The following METTL25 variants were observed in gnomAD, a reference collection of about 807,000 sequenced individuals.
METTL25 encodes methyltransferase like 25, also known as probable methyltransferase-like protein 25.
METTL25 carries 64 observed loss-of-function variants against 71.6 expected under a neutral mutation model. The observed-to-expected ratio is 0.89, with a 90% CI of 0.73 to 1.10. The LOEUF (loss-of-function observed/expected upper bound fraction) is 1.10, where lower values mean the gene tolerates loss of function less well. METTL25 is among the 50% of genes least tolerant of loss of function. The pLI is 0.00. For synonymous variants in METTL25, 287 were observed against 250.3 expected (o/e 1.15, Z -1.38); for missense variants, 807 against 707.0 (o/e 1.14, Z -1.60).
intron 5 of METTL25, among the ~76,000 whole-genome samples, chr12:82,410,520 G>C (rs1592675990): frequency 6.6e-6 from 1 of 152,114 alleles, no homozygotes; most frequent in Admixed American, 6.6e-5. Flanking sequence ...GTTTCCAGCA[G>C]TGTGAGAGAT....
At chr12:82,381,130 T>G (rs570216910) in intron 1 of METTL25, among the ~76,000 whole-genome samples, 1 of 152,368 alleles carries the variant, frequency 6.6e-6, no homozygotes, top group South Asian at 2.1e-4. Context: ...GTAGCTTTAT[T>G]CAAGTTTAGT....
intron 1 of METTL25, among the ~76,000 whole-genome samples, chr12:82,362,733 A>G (rs1270660838): frequency 6.6e-6 from 1 of 152,206 alleles, no homozygotes; most frequent in African/African-American, 2.4e-5. Flanking sequence ...AGAGAAGGTA[A>G]GAAAGGTGAA....
At chr12:82,396,398 A>G (rs994601598) in intron 3 of METTL25, among the ~76,000 whole-genome samples, 2 of 152,010 alleles carry the variant, frequency 1.3e-5, no homozygotes, top group African/African-American at 2.4e-5. Context: ...TCATTGTAAG[A>G]CCTTGAAACG....
At chr12:82,360,614 T>G (rs1881729217) in intron 1 of METTL25, among the ~76,000 whole-genome samples, 2 of 151,986 alleles carry the variant, frequency 1.3e-5, no homozygotes, top group African/African-American at 4.8e-5. Context: ...GCCATGAAGA[T>G]CTCTGGAGGG....
Position 82,398,981 on chromosome 12 carries a change from T to C in METTL25, c.718T>C (p.Leu240=), listed in dbSNP as rs750831293. The C allele has an allele frequency of 6.0e-5, 97 of 1,608,486 alleles. No individual in the cohort carries two copies. Among genetic ancestry groups the C allele is most frequent in the Non-Finnish European group, 7.1e-5 (84 of 1,177,754 alleles). The change falls in exon 4 of 12, where the codon TTA becomes CTA. Residue 240 remains leucine, a synonymous_variant. Coordinates refer to ENST00000248306, the MANE Select transcript of METTL25 (RefSeq NM_032230.3). ...AAGATTAGATGTCAATGGACTAGCA[T>C]TAAAAATGGCAAAAGAAAGGAAAGT... ...QSRLDVNGLA[L]KMAKERKVQN... is the part of the protein sequence containing the mutation.
chr12:82,396,772 C>CT (rs748568229), intron 3 of METTL25, among the ~76,000 whole-genome samples: 1 of 152,070 alleles, frequency 6.6e-6, no homozygotes, highest in Non-Finnish European at 1.5e-5. Flanking sequence ...GATATTTTCT[C>CT]TTTCATTCTC....
intron 5 of METTL25, among the ~76,000 whole-genome samples, chr12:82,422,382 T>C (rs1362660379): frequency 1.3e-5 from 2 of 152,194 alleles, no homozygotes; most frequent in African/African-American, 4.8e-5. Flanking sequence ...AAATTAGGTA[T>C]TGATGGGACG....
intron 6 of METTL25, among the ~76,000 whole-genome samples, chr12:82,433,500 T>C (rs895396453): frequency 2.0e-5 from 3 of 151,672 alleles, no homozygotes; most frequent in Admixed American, 1.3e-4. Context: ...ATTTTTTTTC[T>C]TCAAACCATT....
intron 5 of METTL25, among the ~76,000 whole-genome samples, chr12:82,421,334 TAAAC>T (rs755349726): frequency 7.9e-5 from 12 of 152,210 alleles, no homozygotes; most frequent in Admixed American, 5.2e-4. Flanking sequence ...AGGAGATAAA[TAAAC>T]AGGAATTTCT....
At chr12:82,461,112 C>T (rs1010357358) in intron 9 of METTL25, among the ~76,000 whole-genome samples, 1 of 152,112 alleles carries the variant, frequency 6.6e-6, no homozygotes, top group African/African-American at 2.4e-5. Flanking sequence ...CACTGCACTC[C>T]AGCCTGGGTG....
chr12:82,474,082 G>GTT (rs1892735763), intron 9 of METTL25, among the ~76,000 whole-genome samples: 2 of 152,162 alleles, frequency 1.3e-5, no homozygotes, highest in African/African-American at 4.8e-5. Context: ...CTGGGACAAT[G>GTT]CAGCTGTGAG....
intron 1 of METTL25, among the ~76,000 whole-genome samples, chr12:82,367,603 AT>A (rs938928267): frequency 3.0e-4 from 45 of 152,270 alleles, no homozygotes; most frequent in African/African-American, 1.0e-3. Context: ...TTGCAACAGA[AT>A]TTTTGTAATG....
chr12:82,431,274 G>A (rs984485122), intron 6 of METTL25, among the ~76,000 whole-genome samples: 21 of 151,286 alleles, frequency 1.4e-4, no homozygotes, highest in African/African-American at 4.6e-4. Context: ...ATAGCAGATC[G>A]TTTGGTTTCC....
intron 8 of METTL25, chr12:82,439,838 T>G (rs1198634548): frequency 1.1e-6 from 1 of 952,134 alleles, no homozygotes; most frequent in Non-Finnish European, 1.2e-6. Flanking sequence ...CTACCTGCCT[T>G]CTTTAAAGAC....
chr12:82,402,820 G>A (rs557038841), intron 4 of METTL25, among the ~76,000 whole-genome samples, 163 bp from the exon 5 acceptor site: 2 of 152,234 alleles, frequency 1.3e-5, no homozygotes, highest in South Asian at 2.1e-4. Flanking sequence ...GATCATTTGA[G>A]GCCAGTAATT....
At chr12:82,392,566 T>C (rs750094608) in intron 3 of METTL25, among the ~76,000 whole-genome samples, 7 of 152,078 alleles carry the variant, frequency 4.6e-5, no homozygotes, top group Admixed American at 1.3e-4. Context: ...ATGTTTTCTC[T>C]CAATCTGTGT....
chr12:82,386,045 TAGTG>T (rs370782625), intron 1 of METTL25, among the ~76,000 whole-genome samples: 193 of 152,212 alleles, frequency 1.3e-3, no homozygotes, highest in African/African-American at 4.5e-3. Context: ...TAGTCTAAAT[TAGTG>T]AGTATTTGGA....
chr12:82,455,051 A>G (rs903852416), intron 8 of METTL25, among the ~76,000 whole-genome samples: 3 of 151,680 alleles, frequency 2.0e-5, no homozygotes, highest in Admixed American at 6.6e-5. Context: ...CTTATGTACT[A>G]TTCTATGCTT....
chr12:82,432,377 GCTT>G (rs1395082575), intron 6 of METTL25, among the ~76,000 whole-genome samples: 1 of 151,544 alleles, frequency 6.6e-6, no homozygotes, highest in African/African-American at 2.4e-5. Flanking sequence ...TAGAATGACA[GCTT>G]CTTCTTGGGA....
Sources: gnomAD v4.1 joint callset for allele counts (sites outside exome capture counted in the v4.1 genomes callset) on GRCh38, gnomAD v4.1.1 for gene constraint, MANE v1.5 for transcripts, NCBI Gene and HGNC (gene_info 2026-07-23, HGNC 2026-07-21) for gene names.